The following WWTR1 variants were observed in gnomAD, a reference collection of about 807,000 sequenced individuals.
WWTR1 encodes WW domain-containing transcription regulator protein 1.
WWTR1 carries 13 observed loss-of-function variants against 40.1 expected under a neutral mutation model. That is an observed-to-expected ratio of 0.32 (90% CI 0.21 to 0.52). WWTR1 has a LOEUF of 0.52. WWTR1 is among the 20% of genes least tolerant of loss of function. The probability of loss-of-function intolerance (pLI) is 0.97; values close to 1 mark genes in which losing one functional copy is unlikely to be tolerated. For missense variants in WWTR1, 436 were observed against 523.1 expected (o/e 0.83, Z 1.63); for synonymous variants, 230 against 210.1 (o/e 1.09, Z -0.82).
chr3:149,663,721 C>T (rs905831043), intron 2 of WWTR1, among the ~76,000 whole-genome samples: 7 of 152,030 alleles, frequency 4.6e-5, no homozygotes, highest in African/African-American at 1.7e-4. Context: ...TATGAAACCG[C>T]TCCTAAGAAG....
chr3:149,684,561 C>CT (rs58155361), intron 1 of WWTR1, among the ~76,000 whole-genome samples: 88 of 146,564 alleles, frequency 6.0e-4, no homozygotes, highest in Non-Finnish European at 3.3e-4. Context: ...TCTCATTATT[C>CT]TTTTTTTTTT....
At chr3:149,704,769 A>T (rs570616850), upstream of WWTR1, among the ~76,000 whole-genome samples, 2 of 152,248 alleles carry the variant, frequency 1.3e-5, no homozygotes, top group Admixed American at 6.5e-5. Flanking sequence ...TAGCTCTAAA[A>T]TACAAGTGAA....
At chr3:149,592,429 C>A (rs1475333034) in intron 2 of WWTR1, among the ~76,000 whole-genome samples, 2 of 151,956 alleles carry the variant, frequency 1.3e-5, no homozygotes, top group Non-Finnish European at 2.9e-5. Flanking sequence ...ACCCAACTGA[C>A]CAGAACTAAA....
chr3:149,544,847 C>T (rs1018921110), intron 3 of WWTR1, among the ~76,000 whole-genome samples: 1 of 152,144 alleles, frequency 6.6e-6, no homozygotes, highest in African/African-American at 2.4e-5. Flanking sequence ...AGAGGAAGGG[C>T]TCGAGGAAAG....
At chr3:149,527,710 C>T in intron 5 of WWTR1, 126 bp downstream of exon 5, 2 of 1,348,362 alleles carry the variant, frequency 1.5e-6, no homozygotes, top group Admixed American at 2.2e-5. Flanking sequence ...CTCCCACTTC[C>T]TCCCTTTATT....
At chr3:149,588,909 C>T (rs971572439) in intron 2 of WWTR1, among the ~76,000 whole-genome samples, 1 of 152,122 alleles carries the variant, frequency 6.6e-6, no homozygotes, top group African/African-American at 2.4e-5. Flanking sequence ...CCCATGAGTG[C>T]TTAGCCTAAA....
At chr3:149,579,762 T>C (rs534172560) in intron 2 of WWTR1, among the ~76,000 whole-genome samples, 4 of 152,362 alleles carry the variant, frequency 2.6e-5, no homozygotes, top group Non-Finnish European at 5.9e-5. Flanking sequence ...TTTGATTTAC[T>C]AGGCCAATTC....
intron 2 of WWTR1, among the ~76,000 whole-genome samples, chr3:149,604,261 G>A (rs16862021): frequency 0.02 from 3,103 of 152,206 alleles, 93 homozygotes; most frequent in African/African-American, 0.072. Flanking sequence ...CAATGGCTGA[G>A]GCCTCATTCC....
intron 4 of WWTR1, among the ~76,000 whole-genome samples, chr3:149,719,893 T>C (rs921607731): frequency 9.2e-5 from 14 of 152,242 alleles, no homozygotes; most frequent in African/African-American, 3.4e-4. Context: ...CATGTGCTGA[T>C]TGGCCATTTG....
At chr3:149,598,975 A>G (rs13326818) in intron 2 of WWTR1, among the ~76,000 whole-genome samples, 1,812 of 152,320 alleles carry the variant, frequency 0.012, 9 homozygotes, top group Non-Finnish European at 0.019. Context: ...TTATTTGTAC[A>G]TAAGAACAAT....
chr3:149,699,017 T>C (rs184820653), intron 1 of WWTR1, among the ~76,000 whole-genome samples: 10 of 152,242 alleles, frequency 6.6e-5, no homozygotes, highest in Non-Finnish European at 1.0e-4. Context: ...TGTTAGCACT[T>C]GGCTCCCATT....
chr3:149,555,577 A>T (rs6440622), intron 3 of WWTR1, among the ~76,000 whole-genome samples: 82,086 of 151,830 alleles, frequency 0.54, 24,783 homozygotes, highest in East Asian at 0.94. Flanking sequence ...AACCTGTATA[A>T]ATATGCATTT....
intron 4 of WWTR1, among the ~76,000 whole-genome samples, chr3:149,538,572 G>A (rs1256824006): frequency 6.6e-6 from 1 of 152,188 alleles, no homozygotes; most frequent in South Asian, 2.1e-4. Context: ...CTAGATTGGA[G>A]GGACTGCATT....
In WWTR1 at chr3:149,601,546, C is replaced by T. The variant is rs998764; in HGVS notation, c.432-28546G>A. 3.5e-3 allele frequency among the ~76,000 whole-genome samples: 537 copies of T among 152,246 alleles called. 3 individuals are homozygous for T. Among genetic ancestry groups the T allele is most frequent in the African/African-American group, 0.012 (504 of 41,540 alleles). ...AGCACCCAAAAATGCCCAGGCATGA[C>T]CATTTCTCCTTTTCTTGAAACTACA... is the stretch of plus-strand genomic sequence containing the variant. On this transcript the variant is annotated intron_variant, in intron 2 of 6. Coordinates refer to ENST00000360632, the MANE Select transcript of WWTR1 (RefSeq NM_015472.6).
upstream of WWTR1, among the ~76,000 whole-genome samples, chr3:149,706,234 A>C (rs779927554): frequency 5.9e-5 from 9 of 152,174 alleles, no homozygotes; most frequent in Non-Finnish European, 1.2e-4. Flanking sequence ...AAAAAGAAAA[A>C]GAATGTTCAC....
At chr3:149,588,942 C>T (rs990049127) in intron 2 of WWTR1, among the ~76,000 whole-genome samples, 2 of 152,064 alleles carry the variant, frequency 1.3e-5, no homozygotes, top group Non-Finnish European at 2.9e-5. Flanking sequence ...TAGAGAGAGG[C>T]ACAAAAGGGG....
chr3:149,641,370 A>C (rs1325065577), intron 2 of WWTR1, among the ~76,000 whole-genome samples: 1 of 152,164 alleles, frequency 6.6e-6, no homozygotes, highest in Non-Finnish European at 1.5e-5. Context: ...GAACTCTTAA[A>C]ACTTAATTTG....
chr3:149,718,964 T>C (rs923072289), intron 4 of WWTR1, among the ~76,000 whole-genome samples: 2 of 151,986 alleles, frequency 1.3e-5, no homozygotes, highest in East Asian at 1.9e-4. Context: ...GAGCTGGGAT[T>C]ACTGGTGCTT....
chr3:149,583,842 A>G (rs1043116494), intron 2 of WWTR1, among the ~76,000 whole-genome samples: 2 of 152,232 alleles, frequency 1.3e-5, no homozygotes, highest in Non-Finnish European at 2.9e-5. Context: ...AACGAGCAGT[A>G]TGGTGGTAAA....
Sources: allele counts gnomAD v4.1 joint callset (sites outside exome capture counted in the v4.1 genomes callset), GRCh38; gene constraint gnomAD v4.1.1; transcripts MANE v1.5; gene names NCBI Gene and HGNC (gene_info 2026-07-23, HGNC 2026-07-21).